SCN2A: variants seen among roughly 807,000 people sequenced by gnomAD.
The protein encoded by SCN2A is sodium voltage-gated channel alpha subunit 2.
SCN2A carries 20 observed loss-of-function variants against 188.7 expected under a neutral mutation model. That is an observed-to-expected ratio of 0.11 (90% CI 0.07 to 0.15). The LOEUF is 0.15. Ranked by LOEUF, SCN2A falls within the 10% of genes least tolerant of loss-of-function variation. The pLI, the probability that SCN2A is intolerant of heterozygous loss-of-function variation, is 1.00. For synonymous variants in SCN2A, 804 were observed against 833.1 expected (o/e 0.97, Z 0.60); for missense variants, 1,278 against 2,445.0 (o/e 0.52, Z 10.07).
chr2:165,355,311 C>A (rs1392139188), intron 17 of SCN2A, among the ~76,000 whole-genome samples: 2 of 152,096 alleles, frequency 1.3e-5, no homozygotes, highest in Admixed American at 1.3e-4. Context: ...ATCCTTAATA[C>A]ATTATAGAAT....
intron 18 of SCN2A, 93 bp downstream of exon 18, chr2:165,365,356 C>T (rs1700667574): frequency 7.2e-7 from 1 of 1,386,412 alleles, no homozygotes; most frequent in Admixed American, 1.8e-5. Context: ...TGTCTACCAT[C>T]TATTATCTAT....
In SCN2A at chr2:165,327,000, T is replaced by C. The variant is rs767512295; in HGVS notation, c.2149+16T>C. The C allele has an allele frequency of 6.2e-7, 1 of 1,613,606 alleles. No homozygotes were observed. Among genetic ancestry groups the C allele is most frequent in the Non-Finnish European group, 8.5e-7 (1 of 1,179,730 alleles). ...ACCATGGAAGGTATGTTAAAAGTCCTGCGTCACAGTTACTTGGTGCTTTGG... is the reference window on the plus strand; with the variant it reads ...ACCATGGAAGGTATGTTAAAAGTCCCGCGTCACAGTTACTTGGTGCTTTGG... On this transcript the variant is annotated intron_variant, in intron 13 of 26. Transcript: ENST00000375437.
intron 11 of SCN2A, among the ~76,000 whole-genome samples, chr2:165,321,577 T>A (rs1455426122): frequency 1.3e-5 from 2 of 152,196 alleles, no homozygotes; most frequent in Non-Finnish European, 2.9e-5. Context: ...CTCACAATCA[T>A]GGCAGAAGGC....
intron 1 of SCN2A, among the ~76,000 whole-genome samples, chr2:165,252,863 G>C (rs1470203722): frequency 1.3e-5 from 2 of 152,012 alleles, no homozygotes; most frequent in Admixed American, 1.3e-4. Flanking sequence ...AAGGGGAGGG[G>C]GGGTGTGGCT....
chr2:165,390,209 A>G lies in SCN2A; in HGVS notation c.*385A>G, dbSNP rs1702075321. The stretch of plus-strand genomic sequence containing the variant: ...ATGTTTTAACTGCCACACCTGCCAT[A>G]TTTTTACAAAACGTGTGCTGTGAAT... On this transcript the variant is annotated 3_prime_UTR_variant, in exon 27 of 27. Coordinates refer to ENST00000375437, the MANE Select transcript of SCN2A (RefSeq NM_001040142.2). The G allele has an allele frequency of 4.9e-6, 1 of 205,404 alleles. No homozygotes were observed. Among genetic ancestry groups the G allele is most frequent in the Non-Finnish European group, 1.0e-5 (1 of 100,220 alleles). The allele number at this position is 205,404 out of a possible 1,614,324, so 12.7% of individuals were successfully genotyped here.
chr2:165,298,215 G>T (rs1696612585), intron 3 of SCN2A, among the ~76,000 whole-genome samples: 1 of 152,118 alleles, frequency 6.6e-6, no homozygotes, highest in South Asian at 2.1e-4. Context: ...GTTAGCCCAG[G>T]GCCTGGTATT....
chr2:165,270,815 C>G (rs1373840053), intron 1 of SCN2A: 2 of 152,144 alleles, frequency 1.3e-5, no homozygotes, highest in African/African-American at 4.8e-5. Context: ...ACATCAACTT[C>G]AGATCTCAAT....
chr2:165,266,869 T>G (rs1694889503), intron 1 of SCN2A: 1 of 152,058 alleles, frequency 6.6e-6, no homozygotes, highest in African/African-American at 2.4e-5. Context: ...TTCTAAACAC[T>G]AAGAATCAAC....
At chr2:165,310,700 CT>C in intron 7 of SCN2A, 105 bp downstream of exon 7, 1 of 790,644 alleles carries the variant, frequency 1.3e-6, no homozygotes, top group Middle Eastern at 3.9e-4. Flanking sequence ...GTGACTTAGA[CT>C]AATTTAAGAT....
intron 17 of SCN2A, among the ~76,000 whole-genome samples, chr2:165,361,725 C>T (rs993323279): frequency 6.6e-6 from 1 of 151,962 alleles, no homozygotes; most frequent in East Asian, 1.9e-4. Flanking sequence ...TTAAAGAGGC[C>T]CCATTCATCA....
At chr2:165,289,156 C>A (rs1685404377) in intron 1 of SCN2A, among the ~76,000 whole-genome samples, 1 of 151,840 alleles carries the variant, frequency 6.6e-6, no homozygotes, top group South Asian at 2.1e-4. Context: ...AAATTTATTT[C>A]TAGAGCATGT....
intron 1 of SCN2A, among the ~76,000 whole-genome samples, chr2:165,260,362 T>C (rs1329186028): frequency 2.6e-5 from 4 of 152,158 alleles, no homozygotes; most frequent in Non-Finnish European, 4.4e-5. Flanking sequence ...ACTAGGTGCA[T>C]TGTCAATGAG....
chr2:165,380,500 T>C, intron 23 of SCN2A, 92 bp from the exon 24 acceptor site: 2 of 942,148 alleles, frequency 2.1e-6, no homozygotes, highest in South Asian at 1.4e-5. Context: ...ATTCCAGAGA[T>C]TAAAACATGC....
chr2:165,309,082 A>G (rs1311504575), intron 5 of SCN2A: 1 of 1,447,864 alleles, frequency 6.9e-7, no homozygotes, highest in African/African-American at 1.4e-5. Context: ...GGCGACACTC[A>G]TGAAATTAAA....
chr2:165,263,948 C>T (rs1273460592), intron 1 of SCN2A, among the ~76,000 whole-genome samples: 1 of 151,600 alleles, frequency 6.6e-6, no homozygotes, highest in Non-Finnish European at 1.5e-5. Flanking sequence ...TCAGCTTGGC[C>T]ACTGTTGGTA....
intron 1 of SCN2A, among the ~76,000 whole-genome samples, chr2:165,262,036 C>T (rs1157912984): frequency 6.6e-6 from 1 of 152,154 alleles, no homozygotes; most frequent in Non-Finnish European, 1.5e-5. Context: ...TAAAAGGATA[C>T]ACATTATGGT....
intron 1 of SCN2A, among the ~76,000 whole-genome samples, chr2:165,263,691 A>G (rs1385657472): frequency 1.3e-5 from 2 of 152,150 alleles, no homozygotes; most frequent in Admixed American, 6.6e-5. Context: ...TGCTCTGACT[A>G]TGCGGGCTCT....
intron 1 of SCN2A, chr2:165,243,920 G>A (rs2106054161): frequency 6.6e-6 from 1 of 152,242 alleles, no homozygotes; most frequent in Middle Eastern, 3.4e-3. Flanking sequence ...AAGATAACTT[G>A]CATCAAGAAT....
rs1364578429 is a variant in SCN2A, at chr2:165,390,361, CTG to C, written c.*538_*539del. 6.5e-6 allele frequency: 1 copy of C among 154,254 alleles called. No homozygotes were observed. Among genetic ancestry groups the C allele is most frequent in the Non-Finnish European group, 1.4e-5 (1 of 69,170 alleles). The allele number at this position is 154,254 out of a possible 1,614,324, so 9.6% of individuals were successfully genotyped here. On this transcript the variant is annotated 3_prime_UTR_variant, in exon 27 of 27. Transcript: ENST00000375437. ...TACATTTCTCTATTGTATTGTATAA[CTG>C]GATATATTTTAAATGGAGGCATGCT...
Sources: gnomAD v4.1 joint callset for allele counts (sites outside exome capture counted in the v4.1 genomes callset) on GRCh38, gnomAD v4.1.1 for gene constraint, MANE v1.5 for transcripts, NCBI Gene and HGNC (gene_info 2026-07-23, HGNC 2026-07-21) for gene names.